The following CNNM2 variants were observed in gnomAD, a reference collection of about 807,000 sequenced individuals.
The protein encoded by CNNM2 is metal transporter CNNM2.
A neutral mutation model predicts 66.9 loss-of-function variants in CNNM2; 12 were observed. That is an observed-to-expected ratio of 0.18 (90% CI 0.11 to 0.29). CNNM2 has a LOEUF of 0.29. Among genes scored for constraint, CNNM2 ranks in the 10% least tolerant of loss-of-function variants. The pLI, the probability that CNNM2 is intolerant of heterozygous loss-of-function variation, is 1.00. For synonymous variants in CNNM2, 557 were observed against 501.8 expected (o/e 1.11, Z -1.47); for missense variants, 705 against 1,167.7 (o/e 0.60, Z 5.77).
intron 1 of CNNM2, among the ~76,000 whole-genome samples, chr10:103,032,144 C>A (rs1000182503): frequency 3.9e-5 from 6 of 152,116 alleles, no homozygotes; most frequent in Admixed American, 1.3e-4. Flanking sequence ...CACATTTTCT[C>A]TTGTTAGAAA....
intron 1 of CNNM2, among the ~76,000 whole-genome samples, chr10:103,034,235 G>A (rs72850123): frequency 2.0e-5 from 3 of 150,854 alleles, no homozygotes; most frequent in East Asian, 1.9e-4. Flanking sequence ...ATTCTACCTC[G>A]CTCCAAATTG....
At chr10:103,056,379 C>CTG (rs1396796740) in intron 3 of CNNM2, among the ~76,000 whole-genome samples, 1 of 152,102 alleles carries the variant, frequency 6.6e-6, no homozygotes, top group Non-Finnish European at 1.5e-5. Flanking sequence ...CGTGGGGCAC[C>CTG]TGTGTGTGTG....
At chr10:103,014,243 C>T (rs993864608) in intron 1 of CNNM2, among the ~76,000 whole-genome samples, 13 of 152,152 alleles carry the variant, frequency 8.5e-5, no homozygotes, top group South Asian at 4.1e-4. Flanking sequence ...AAAGACAAGA[C>T]GTTGTCCTTG....
intron 1 of CNNM2, among the ~76,000 whole-genome samples, chr10:102,946,533 C>T (rs954451472): frequency 2.0e-5 from 3 of 152,080 alleles, no homozygotes; most frequent in Non-Finnish European, 4.4e-5. Context: ...TTTTTTAAAG[C>T]ACTTGTGCTA....
chr10:102,935,922 A>G (rs555719833), intron 1 of CNNM2, among the ~76,000 whole-genome samples: 2 of 151,702 alleles, frequency 1.3e-5, no homozygotes, highest in Admixed American at 6.6e-5. Flanking sequence ...CCGGCCTAGC[A>G]CTATAATCCT....
chr10:103,011,498 A>G (rs140781285), intron 1 of CNNM2, among the ~76,000 whole-genome samples: 1 of 152,288 alleles, frequency 6.6e-6, no homozygotes, highest in African/African-American at 2.4e-5. Flanking sequence ...AAAATAAGCT[A>G]TCTAAGAAAC....
intron 1 of CNNM2, among the ~76,000 whole-genome samples, chr10:103,010,801 C>T (rs56399793): frequency 0.01 from 1,529 of 152,078 alleles, 23 homozygotes; most frequent in African/African-American, 0.035. Context: ...TTAGTAGAGA[C>T]AGGGTTTCAC....
chr10:102,969,482 G>C (rs2063517499), intron 1 of CNNM2, among the ~76,000 whole-genome samples: 2 of 152,154 alleles, frequency 1.3e-5, no homozygotes, highest in Admixed American at 1.3e-4. Context: ...AAAGTGCTGG[G>C]ATTACAGGCG....
chr10:103,067,768 G>A (rs959070760), intron 4 of CNNM2, among the ~76,000 whole-genome samples: 5 of 152,162 alleles, frequency 3.3e-5, no homozygotes, highest in African/African-American at 7.2e-5. Flanking sequence ...AGAAGTTGTC[G>A]ACAAGTTAGC....
At chr10:103,023,090 G>A (rs2064623304) in intron 1 of CNNM2, among the ~76,000 whole-genome samples, 1 of 152,076 alleles carries the variant, frequency 6.6e-6, no homozygotes, top group African/African-American at 2.4e-5. Flanking sequence ...TTTTTAGTAG[G>A]GAGGGCGCTT....
At chr10:103,038,982 T>A (rs1044244965) in intron 1 of CNNM2, among the ~76,000 whole-genome samples, 2 of 152,072 alleles carry the variant, frequency 1.3e-5, no homozygotes, top group African/African-American at 4.8e-5. Context: ...GTGGGGATGG[T>A]AAGGTAAAAT....
At position 103,068,910 on chromosome 10, in the gene CNNM2, C is replaced by G. The variant is rs191660138; in HGVS notation, c.2167+188C>G. ...AAGTATATACCTCCATGAATTCTCA[C>G]AAACTGAACACGTGTAAAGTGGCAC... On this transcript the variant is annotated intron_variant, in intron 5 of 7. Coordinates refer to ENST00000369878, the MANE Select transcript of CNNM2 (RefSeq NM_017649.5). Among the ~76,000 whole-genome samples the G allele has an allele frequency of 1.4e-3, 215 of 152,282 alleles. 1 individual carries two copies. The highest frequency in any genetic ancestry group is 4.7e-3 in the African/African-American group (194 of 41,554).
chr10:102,921,074 G>C (rs973002553), intron 1 of CNNM2: 2 of 975,342 alleles, frequency 2.1e-6, no homozygotes, highest in Non-Finnish European at 2.4e-6. Context: ...TGCTTATACA[G>C]TACATCATTT....
At chr10:102,957,292 C>T (rs780441135) in intron 1 of CNNM2, among the ~76,000 whole-genome samples, 1 of 152,008 alleles carries the variant, frequency 6.6e-6, no homozygotes, top group Admixed American at 6.6e-5. Context: ...GGCAACAGAG[C>T]GAGACTCCGT....
intron 1 of CNNM2, among the ~76,000 whole-genome samples, chr10:102,999,303 C>T (rs1203659339): frequency 6.1e-5 from 9 of 146,796 alleles, no homozygotes; most frequent in African/African-American, 1.8e-4. Context: ...AGGATGGTCT[C>T]GATCTCCTGA....
rs1463789039 is a variant in CNNM2, at chr10:103,089,225, C to T, written c.*12045C>T. On this transcript the variant is annotated 3_prime_UTR_variant, in exon 8 of 8. Transcript: ENST00000369878. ...TGATCATGGAAATAATACATTTCTCCACTGATATACAATACCATGTAATGC... is the reference window on the plus strand; with the variant it reads ...TGATCATGGAAATAATACATTTCTCTACTGATATACAATACCATGTAATGC... The T allele has an allele frequency of 4.5e-6, 1 of 220,694 alleles. No homozygotes were observed. Among genetic ancestry groups the T allele is most frequent in the Non-Finnish European group, 9.1e-6 (1 of 110,456 alleles). The allele number at this position is 220,694 out of a possible 1,614,324, so 13.7% of individuals were successfully genotyped here. A position where few individuals can be genotyped will look rare whatever the true frequency, so the allele number is the denominator to read the frequency against.
At chr10:102,964,186 A>G (rs1048589079) in intron 1 of CNNM2, among the ~76,000 whole-genome samples, 1 of 152,210 alleles carries the variant, frequency 6.6e-6, no homozygotes, top group Non-Finnish European at 1.5e-5. Flanking sequence ...AAGTAATATT[A>G]AAAATTACTT....
chr10:103,016,525 C>G (rs1315381123), intron 1 of CNNM2, among the ~76,000 whole-genome samples: 3 of 152,060 alleles, frequency 2.0e-5, no homozygotes, highest in African/African-American at 7.2e-5. Context: ...TACATCTACC[C>G]CCCACTTATT....
chr10:102,931,249 C>T (rs1350071224), intron 1 of CNNM2, among the ~76,000 whole-genome samples: 1 of 152,118 alleles, frequency 6.6e-6, no homozygotes, highest in Non-Finnish European at 1.5e-5. Flanking sequence ...AGAAAACCAA[C>T]CTATTGCAAG....
Sources: gnomAD v4.1 joint callset for allele counts (sites outside exome capture counted in the v4.1 genomes callset) on GRCh38, gnomAD v4.1.1 for gene constraint, MANE v1.5 for transcripts, NCBI Gene and HGNC (gene_info 2026-07-23, HGNC 2026-07-21) for gene names.